The following FBXW12 variants were observed in gnomAD, a reference collection of about 807,000 sequenced individuals.
FBXW12 encodes the protein F-box and WD repeat domain containing 12.
FBXW12 carries 43 observed loss-of-function variants against 55.3 expected under a neutral mutation model. That is an observed-to-expected ratio of 0.78 (90% CI 0.61 to 1.00). FBXW12 has a LOEUF of 1.00. Among genes scored for constraint, FBXW12 ranks in the 50% least tolerant of loss-of-function variants. FBXW12 has a pLI of 0.00. For synonymous variants in FBXW12, 184 were observed against 203.8 expected (o/e 0.90, Z 0.83); for missense variants, 524 against 560.5 (o/e 0.93, Z 0.66).
intron 10 of FBXW12, among the ~76,000 whole-genome samples, chr3:48,383,535 GT>G (rs2106642370): frequency 6.6e-6 from 1 of 152,184 alleles, no homozygotes; most frequent in South Asian, 2.1e-4. Context: ...ACTCTGGTTT[GT>G]CTTTCTATTC....
intron 5 of FBXW12, among the ~76,000 whole-genome samples, chr3:48,376,867 G>A (rs2036693322): frequency 7.6e-6 from 1 of 131,146 alleles, no homozygotes; most frequent in Non-Finnish European, 1.6e-5. Flanking sequence ...ATTTCTTGTA[G>A]CAGTGATTCC....
At position 48,378,421 on chromosome 3, in the gene FBXW12, C is replaced by CA. The variant is rs1312892276; in HGVS notation, c.513dup (p.Val172SerfsTer41). 1.2e-6 allele frequency: 2 copies of CA among 1,614,012 alleles called. No individual in the cohort carries two copies. The highest frequency in any genetic ancestry group is 2.2e-5 in the South Asian group (2 of 91,058). On this transcript the variant is annotated frameshift_variant, in exon 6 of 11. Coordinates refer to ENST00000296438, the MANE Select transcript of FBXW12 (RefSeq NM_207102.2). LOFTEE classifies it high-confidence loss of function. ...TCACTATGGATCGGAAAAAAACTATCAAAGTGTGGAACTGTCAGGACAGGG... is the reference window on the plus strand; with the variant it reads ...TCACTATGGATCGGAAAAAAACTATCAAAAGTGTGGAACTGTCAGGACAGGG...
intron 10 of FBXW12, among the ~76,000 whole-genome samples, chr3:48,384,163 T>C (rs1480346760): frequency 2.0e-5 from 3 of 152,218 alleles, no homozygotes; most frequent in East Asian, 1.9e-4. Flanking sequence ...CTATTTTGGC[T>C]CTTTCAGTAC....
intron 2 of FBXW12, 47 bp downstream of exon 2, chr3:48,372,904 T>G: frequency 6.4e-7 from 1 of 1,563,154 alleles, no homozygotes; most frequent in Non-Finnish European, 8.8e-7. Flanking sequence ...GCTGCTTCTC[T>G]CGACCAGTTT....
chr3:48,391,366 A>AT (rs2036926734), intron 10 of FBXW12, among the ~76,000 whole-genome samples: 6 of 151,198 alleles, frequency 4.0e-5, no homozygotes, highest in Admixed American at 1.3e-4. Flanking sequence ...ATATATATAT[A>AT]AAATCAATCA....
At chr3:48,375,114 A>G (rs1399628882) in intron 4 of FBXW12, among the ~76,000 whole-genome samples, 17 of 152,146 alleles carry the variant, frequency 1.1e-4, no homozygotes, top group Non-Finnish European at 2.9e-5. Flanking sequence ...AGATTTTAAT[A>G]TGCCTTTTAT....
At chr3:48,376,170 C>T (rs559825807) in intron 5 of FBXW12, among the ~76,000 whole-genome samples, 218 of 151,598 alleles carry the variant, frequency 1.4e-3, no homozygotes, top group Non-Finnish European at 2.8e-3. Flanking sequence ...TTAGTAGAGA[C>T]GGGGTTTCGC....
chr3:48,373,619 A>G lies in FBXW12; in HGVS notation c.200A>G (p.Gln67Arg). The G allele has an allele frequency of 6.2e-7, 1 of 1,614,148 alleles. No individual in the cohort carries two copies. The highest frequency in any genetic ancestry group is 2.2e-5 in the East Asian group (1 of 44,882). ...NQHLGTHTWK[Q>R]FFLHQRRKEL... Reference sequence around the variant, plus strand: ...CACCTGGGCACACACACATGGAAGCAATTTTTCCTGCATCAAAGAAGGAAG... The same window carrying G: ...CACCTGGGCACACACACATGGAAGCGATTTTTCCTGCATCAAAGAAGGAAG... The change falls in exon 4 of 11, where the codon CAA becomes CGA. Residue 67 changes from glutamine to arginine, a missense_variant. Gln to Arg is a conservative substitution (Grantham distance 43, BLOSUM62 1). Transcript: ENST00000296438.
chr3:48,373,766 T>C (rs2036638815), intron 4 of FBXW12, 61 bp downstream of exon 4: 11 of 1,475,624 alleles, frequency 7.5e-6, no homozygotes, highest in South Asian at 7.3e-5. Context: ...CCACTCTATT[T>C]GATTTTTGCT....
At chr3:48,394,248 A>G (rs549367879) in intron 10 of FBXW12, among the ~76,000 whole-genome samples, 1 of 152,208 alleles carries the variant, frequency 6.6e-6, no homozygotes, top group East Asian at 1.9e-4. Flanking sequence ...GCCCTGTCTC[A>G]GGAAAAACAA....
intron 10 of FBXW12, among the ~76,000 whole-genome samples, chr3:48,393,405 G>A (rs1320083441): frequency 6.6e-6 from 1 of 152,102 alleles, no homozygotes; most frequent in Admixed American, 6.6e-5. Context: ...ACCTTTACTT[G>A]AGTTAGTGCA....
rs756882228 is a variant in FBXW12 at position 48,382,021 on chromosome 3, C to T, written c.1231C>T (p.Arg411Cys). The T allele has an allele frequency of 9.9e-6, 16 of 1,614,016 alleles. No individual in the cohort carries two copies. Among genetic ancestry groups the T allele is most frequent in the South Asian group, 5.5e-5 (5 of 91,072 alleles). The change falls in exon 10 of 11, where the codon CGC becomes TGC. Residue 411 changes from arginine to cysteine, a missense_variant. Coordinates refer to ENST00000296438, the MANE Select transcript of FBXW12 (RefSeq NM_207102.2). ...CGTGTACATGTGGGAAGAAGGAGGC[C>T]GCCATCCATACCTCAGGAGCTGCTG... ...VHVYMWEEGG[R>C]HPYLRSCCHL...
chr3:48,374,361 T>A (rs2036651790), intron 4 of FBXW12, among the ~76,000 whole-genome samples: 1 of 149,982 alleles, frequency 6.7e-6, no homozygotes, highest in South Asian at 2.1e-4. Flanking sequence ...TGAGTCTTGC[T>A]CTGTCATCTA....
At chr3:48,390,603 T>G (rs2036910461) in intron 10 of FBXW12, among the ~76,000 whole-genome samples, 1 of 151,388 alleles carries the variant, frequency 6.6e-6, no homozygotes, top group Non-Finnish European at 1.5e-5. Flanking sequence ...TTAGTAGAGA[T>G]GGGGTTTTGC....
chr3:48,389,666 G>A (rs759212177), intron 10 of FBXW12, among the ~76,000 whole-genome samples: 1 of 152,160 alleles, frequency 6.6e-6, no homozygotes, highest in Non-Finnish European at 1.5e-5. Context: ...GTGAGCCACC[G>A]TGTCCAGCCT....
intron 10 of FBXW12, among the ~76,000 whole-genome samples, chr3:48,389,660 G>A (rs2036894319): frequency 6.6e-6 from 1 of 152,296 alleles, no homozygotes; most frequent in East Asian, 1.9e-4. Context: ...ACAGGTGTGA[G>A]CCACCGTGTC....
At chr3:48,382,941 C>T (rs548973185) in intron 10 of FBXW12, among the ~76,000 whole-genome samples, 1 of 152,186 alleles carries the variant, frequency 6.6e-6, no homozygotes, top group Non-Finnish European at 1.5e-5. Flanking sequence ...TCCAATCATT[C>T]AAGTACATTG....
intron 4 of FBXW12, among the ~76,000 whole-genome samples, chr3:48,374,066 C>T (rs2036644129): frequency 6.6e-6 from 1 of 152,244 alleles, no homozygotes; most frequent in African/African-American, 2.4e-5. Flanking sequence ...TGCCTGTAAT[C>T]CCAGAACTTT....
intron 2 of FBXW12, 100 bp from the exon 3 acceptor site, chr3:48,373,208 C>T: frequency 6.4e-7 from 1 of 1,570,150 alleles, no homozygotes; most frequent in South Asian, 1.1e-5. Context: ...ATCTGATTAA[C>T]CTGTGCGGGC....
Sources: allele counts gnomAD v4.1 joint callset (sites outside exome capture counted in the v4.1 genomes callset), GRCh38; gene constraint gnomAD v4.1.1; transcripts MANE v1.5; gene names NCBI Gene and HGNC (gene_info 2026-07-23, HGNC 2026-07-21).